FSTL4: variants seen among roughly 807,000 people sequenced by gnomAD.
The protein encoded by FSTL4 is follistatin-related protein 4.
A neutral mutation model predicts 78.2 loss-of-function variants in FSTL4; 28 were observed. The observed-to-expected ratio is 0.36, with a 90% CI of 0.27 to 0.49. The LOEUF (loss-of-function observed/expected upper bound fraction) is 0.49. Ranked by LOEUF, FSTL4 falls within the 20% of genes least tolerant of loss-of-function variation. The probability of loss-of-function intolerance (pLI) is 0.98; values close to 1 mark genes in which losing one functional copy is unlikely to be tolerated. For synonymous variants in FSTL4, 422 were observed against 440.5 expected, an observed-to-expected ratio of 0.96 and a Z score of 0.53; for missense variants, 922 against 1,084.9, an observed-to-expected ratio of 0.85 and a Z score of 2.11.
At chr5:133,826,119 C>T in the FSTL4 span, among the ~76,000 whole-genome samples, 10 of 152,196 alleles carry the variant, frequency 6.6e-5, no homozygotes, top group East Asian at 7.7e-4. Context: ...GCTTCCACTG[C>T]GCTCCATGGC....
At chr5:133,539,018 T>C (rs1211171306) in intron 3 of FSTL4, among the ~76,000 whole-genome samples, 2 of 152,148 alleles carry the variant, frequency 1.3e-5, no homozygotes, top group Non-Finnish European at 2.9e-5. Flanking sequence ...ACTGTTTATA[T>C]GGTGGTTCGG....
intron 2 of FSTL4, among the ~76,000 whole-genome samples, chr5:133,582,744 G>A (rs1760449042): frequency 6.6e-6 from 1 of 152,184 alleles, no homozygotes; most frequent in South Asian, 2.1e-4. Context: ...GCTGCCCATT[G>A]GCTCATTTGT....
intron 4 of FSTL4, among the ~76,000 whole-genome samples, chr5:133,380,944 A>G (rs1310519550): frequency 6.6e-6 from 1 of 152,164 alleles, no homozygotes; most frequent in Non-Finnish European, 1.5e-5. Context: ...ATGAAAATCA[A>G]TTACCGTAAT....
intron 3 of FSTL4, among the ~76,000 whole-genome samples, chr5:133,436,921 G>C (rs1267054331): frequency 2.0e-5 from 3 of 152,224 alleles, no homozygotes; most frequent in Non-Finnish European, 4.4e-5. Flanking sequence ...TTTTGAATTA[G>C]AGTGGTGGTA....
intron 4 of FSTL4, among the ~76,000 whole-genome samples, chr5:133,360,070 A>G (rs1394142457): frequency 6.6e-6 from 1 of 152,252 alleles, no homozygotes; most frequent in Non-Finnish European, 1.5e-5. Context: ...CAGCCCTAAC[A>G]GTGGACCCTC....
chr5:133,833,290 A>G, the FSTL4 span, among the ~76,000 whole-genome samples: 10 of 152,176 alleles, frequency 6.6e-5, no homozygotes, highest in Non-Finnish European at 1.2e-4. Context: ...CTCTGATGGG[A>G]TTTTCTAAGA....
chr5:133,312,514 G>A lies in FSTL4; in HGVS notation c.727+140C>T, dbSNP rs903260045. On this transcript the variant is annotated intron_variant, in intron 6 of 15. Transcript: ENST00000265342. ...TCTTTTCTTAAAGCTCAGGCTTGTT[G>A]CAGAACAAATTCACCAGCTTTCCTC... 41 of 714,202 alleles carry A rather than the reference G, an allele frequency of 5.7e-5. No homozygotes were observed. The African/African-American group carries it at 6.0e-4, about 10-fold the overall frequency. 44.2% of individuals were successfully genotyped at this position (714,202 alleles called of 1,614,324 possible).
chr5:133,637,025 G>C, the FSTL4 span, among the ~76,000 whole-genome samples: 2 of 152,178 alleles, frequency 1.3e-5, no homozygotes, highest in African/African-American at 4.8e-5. Context: ...CATAAGTAGA[G>C]GGATAGTAAA....
chr5:133,671,884 G>A, the FSTL4 span, among the ~76,000 whole-genome samples: 1 of 152,218 alleles, frequency 6.6e-6, no homozygotes, highest in East Asian at 1.9e-4. Context: ...AGGCTAAATT[G>A]TGGGGGCTAA....
At chr5:133,200,756 A>G (rs1561614301) in intron 15 of FSTL4, among the ~76,000 whole-genome samples, 1 of 152,238 alleles carries the variant, frequency 6.6e-6, no homozygotes, top group African/African-American at 2.4e-5. Context: ...CTGCAGGAAT[A>G]GAGCAGAATC....
chr5:133,759,620 T>G, the FSTL4 span, among the ~76,000 whole-genome samples: 11 of 152,170 alleles, frequency 7.2e-5, no homozygotes, highest in Non-Finnish European at 1.2e-4. Context: ...TACAAAAAAT[T>G]TTAAGCAATA....
At chr5:133,635,453 T>C in the FSTL4 span, among the ~76,000 whole-genome samples, 2 of 152,290 alleles carry the variant, frequency 1.3e-5, no homozygotes, top group South Asian at 4.1e-4. Context: ...GGACCAGAAG[T>C]CTTACCAGTT....
intron 3 of FSTL4, among the ~76,000 whole-genome samples, chr5:133,525,993 C>T (rs1401426371): frequency 3.3e-5 from 5 of 152,192 alleles, no homozygotes; most frequent in Non-Finnish European, 5.9e-5. Context: ...ATGGGGGAGA[C>T]GGAGCAGCTT....
chr5:133,607,026 G>A (rs1461078008), intron 1 of FSTL4, among the ~76,000 whole-genome samples: 1 of 152,140 alleles, frequency 6.6e-6, no homozygotes, highest in Non-Finnish European at 1.5e-5. Flanking sequence ...TCTGGTTTGT[G>A]TTTATATTTC....
chr5:133,699,453 C>A, the FSTL4 span, among the ~76,000 whole-genome samples: 1 of 151,858 alleles, frequency 6.6e-6, no homozygotes. Context: ...CTCAGCTAAC[C>A]CTCACAACTG....
At chr5:133,416,907 A>C in intron 3 of FSTL4, among the ~76,000 whole-genome samples, 1 of 152,230 alleles carries the variant, frequency 6.6e-6, no homozygotes, top group East Asian at 1.9e-4. Flanking sequence ...ATATTAAGAC[A>C]GCTGGCAACA....
intron 3 of FSTL4, among the ~76,000 whole-genome samples, chr5:133,463,857 A>T (rs550515576): frequency 3.1e-4 from 47 of 152,354 alleles, no homozygotes; most frequent in African/African-American, 1.0e-3. Flanking sequence ...GGCAGGCTGG[A>T]GAATAGGAAG....
chr5:133,730,633 G>A, the FSTL4 span, among the ~76,000 whole-genome samples: 18 of 152,354 alleles, frequency 1.2e-4, no homozygotes, highest in African/African-American at 4.3e-4. Flanking sequence ...CTTTCTGGAA[G>A]GAAATATGGC....
the FSTL4 span, among the ~76,000 whole-genome samples, chr5:133,665,269 T>C: frequency 2.0e-5 from 3 of 152,242 alleles, no homozygotes; most frequent in Non-Finnish European, 4.4e-5. Flanking sequence ...GCTTATTTCT[T>C]ATTCTCATCA....
Sources: allele counts gnomAD v4.1 joint callset (sites outside exome capture counted in the v4.1 genomes callset), GRCh38; gene constraint gnomAD v4.1.1; transcripts MANE v1.5; gene names NCBI Gene and HGNC (gene_info 2026-07-23, HGNC 2026-07-21).